KALRN: variants seen among roughly 807,000 people sequenced by gnomAD.
KALRN encodes the protein kalirin.
A neutral mutation model predicts 353.7 loss-of-function variants in KALRN; 70 were observed. The observed-to-expected ratio is 0.20, with a 90% CI of 0.16 to 0.24. KALRN has a LOEUF of 0.24. Among genes scored for constraint, KALRN ranks in the 10% least tolerant of loss-of-function variants. The pLI is 1.00. For missense variants in KALRN, 2,791 were observed against 3,756.7 expected, an observed-to-expected ratio of 0.74 and a Z score of 6.72; for synonymous variants, 1,391 against 1,434.8, an observed-to-expected ratio of 0.97 and a Z score of 0.69.
chr3:124,089,042 G>GA lies in KALRN; in HGVS notation c.73+55238dup, dbSNP rs888184001. On this transcript the variant is annotated intron_variant, in intron 1 of 59. Transcript: ENST00000682506. The stretch of plus-strand genomic sequence containing the variant: ...ACAGATTGTATACTTTCCATAAAAA[G>GA]AAAAAAAAATACCCGAGGGACTAAA... Among the ~76,000 whole-genome samples, 33 of 143,308 alleles carry GA rather than the reference G, an allele frequency of 2.3e-4. No homozygotes were observed. In the East Asian group the frequency reaches 3.4e-3, roughly 15 times the overall value. 94.0% of individuals were successfully genotyped at this position (143,308 alleles called of 152,430 possible).
chr3:124,146,733 C>A (rs1264378799), intron 1 of KALRN, among the ~76,000 whole-genome samples: 1 of 151,812 alleles, frequency 6.6e-6, no homozygotes, highest in East Asian at 1.9e-4. Flanking sequence ...CAAAAATTAG[C>A]CAGTATGGTG....
chr3:124,382,327 C>T (rs1194432028), intron 10 of KALRN, among the ~76,000 whole-genome samples: 4 of 152,132 alleles, frequency 2.6e-5, no homozygotes, highest in African/African-American at 9.7e-5. Context: ...CCCTAATTAT[C>T]TATTAGTTTG....
intron 11 of KALRN, among the ~76,000 whole-genome samples, chr3:124,388,355 C>G (rs954289875): frequency 6.6e-6 from 1 of 151,472 alleles, no homozygotes; most frequent in African/African-American, 2.4e-5. Flanking sequence ...TCTTGAACTT[C>G]TTCATGGGTG....
At chr3:124,655,349 G>T (rs2083894302) in intron 38 of KALRN, among the ~76,000 whole-genome samples, 1 of 152,166 alleles carries the variant, frequency 6.6e-6, no homozygotes. Context: ...AGAATGCTAG[G>T]TACTGAGCGT....
Position 124,488,317 on chromosome 3 carries a change from T to C in KALRN, c.4396+2T>C. On this transcript the variant is annotated splice_donor_variant, in intron 29 of 59. Coordinates refer to ENST00000682506, the MANE Select transcript of KALRN (RefSeq NM_001388419.1). LOFTEE classifies it high-confidence loss of function. ...CCATGCATGTCAGCATGCTGGAAGG[T>C]AGCTGTCCTCCCAGCACTGGGGAAG... is the stretch of plus-strand genomic sequence containing the variant. 1 of 1,588,838 alleles carries C rather than the reference T, an allele frequency of 6.3e-7. No individual in the cohort carries two copies.
intron 37 of KALRN, among the ~76,000 whole-genome samples, chr3:124,649,103 CA>C (rs936999012): frequency 5.3e-5 from 8 of 152,268 alleles, no homozygotes; most frequent in African/African-American, 1.7e-4. Context: ...GCCCTTGGCA[CA>C]TTTTGTCAGT....
At chr3:124,699,764 C>A in intron 55 of KALRN, 105 bp from the exon 56 acceptor site, 1 of 1,062,264 alleles carries the variant, frequency 9.4e-7, no homozygotes, top group Admixed American at 1.9e-5. Context: ...CACAAGCATC[C>A]CTTGAATTGA....
rs142564902 is a variant in KALRN at position 124,551,896 on chromosome 3, G to A, written c.4936-10947G>A. Among the ~76,000 whole-genome samples, 533 of 152,314 alleles carry A rather than the reference G, an allele frequency of 3.5e-3. 3 individuals carry two copies. The highest frequency in any genetic ancestry group is 5.5e-3 in the Non-Finnish European group (374 of 68,012). ...GGCTGGTGAAGAAGAATAAGTGCAT[G>A]GATGAGGAGGCTGGACTCATTAGGC... On this transcript the variant is annotated intron_variant, in intron 33 of 59. Transcript: ENST00000682506.
intron 51 of KALRN, among the ~76,000 whole-genome samples, chr3:124,689,328 C>A (rs778842704): frequency 2.6e-5 from 4 of 152,172 alleles, no homozygotes; most frequent in Non-Finnish European, 4.4e-5. Context: ...AATCCTCCCA[C>A]CTCAGCTTCC....
chr3:124,699,826 C>T, intron 55 of KALRN, 43 bp from the exon 56 acceptor site: 1 of 1,599,060 alleles, frequency 6.3e-7, no homozygotes, highest in Non-Finnish European at 8.6e-7. Flanking sequence ...AACAATATCC[C>T]TTTGGCTTTT....
chr3:124,513,561 A>G (rs1293320870), intron 33 of KALRN, among the ~76,000 whole-genome samples: 2 of 152,186 alleles, frequency 1.3e-5, no homozygotes, highest in African/African-American at 4.8e-5. Context: ...CCCACAGTCT[A>G]AGGACAGAGG....
Position 124,434,326 on chromosome 3 carries a change from C to T in KALRN, c.2849C>T (p.Ser950Phe), listed in dbSNP as rs2093389397. Residue 950 changes from serine (S) to phenylalanine (F), a missense_variant, in exon 17 of 60, where the codon TCC becomes TTC. Ser to Phe is a radical substitution (Grantham distance 155, BLOSUM62 -2). This residue lies in a region of KALRN where 452 missense variants were observed against 575.8 expected (regional missense o/e 0.78). Coordinates refer to ENST00000682506, the MANE Select transcript of KALRN (RefSeq NM_001388419.1). ...GCCCAGTCCCTCTTTCATGCCACTT[C>T]CTTGCAGAAGACGCACCAGAGTGCC... ...LAIESLFHATSLQKTHQSALQ... is the reference protein window; with the variant it reads ...LAIESLFHATFLQKTHQSALQ... 1.2e-6 allele frequency: 2 copies of T among 1,612,924 alleles called. No individual in the cohort carries two copies. Among genetic ancestry groups the T allele is most frequent in the South Asian group, 2.2e-5 (2 of 91,022 alleles).
At chr3:124,180,926 C>G (rs1185486995) in intron 1 of KALRN, among the ~76,000 whole-genome samples, 1 of 151,900 alleles carries the variant, frequency 6.6e-6, no homozygotes, top group African/African-American at 2.4e-5. Flanking sequence ...ATTAATAAGT[C>G]AGGTATCAGA....
intron 1 of KALRN, among the ~76,000 whole-genome samples, chr3:124,054,359 A>AAAAATAAAAATAAAAATAAAAATG (rs2041325954): frequency 6.6e-6 from 1 of 150,618 alleles, no homozygotes; most frequent in Non-Finnish European, 1.5e-5. Flanking sequence ...CCCATCACTT[A>AAAAATAAAAATAAAAATAAAAATG]AAAATAAAAA....
intron 6 of KALRN, among the ~76,000 whole-genome samples, chr3:124,302,546 T>C (rs756863094): frequency 3.3e-5 from 5 of 152,226 alleles, no homozygotes; most frequent in Non-Finnish European, 5.9e-5. Context: ...AATAATCAAC[T>C]AATAACTTAC....
At chr3:124,269,617 C>T (rs1323425910) in intron 5 of KALRN, among the ~76,000 whole-genome samples, 3 of 152,156 alleles carry the variant, frequency 2.0e-5, no homozygotes, top group Non-Finnish European at 2.9e-5. Flanking sequence ...AGAAGCTGCC[C>T]CGAGTGCCTG....
intron 1 of KALRN, among the ~76,000 whole-genome samples, chr3:124,222,418 A>G (rs190584596): frequency 6.6e-6 from 1 of 152,256 alleles, no homozygotes; most frequent in East Asian, 1.9e-4. Flanking sequence ...GGGTCTTCCC[A>G]TGGTAGGGGC....
chr3:124,444,487 G>A (rs2093765665), intron 19 of KALRN, among the ~76,000 whole-genome samples: 1 of 152,152 alleles, frequency 6.6e-6, no homozygotes, highest in Non-Finnish European at 1.5e-5. Flanking sequence ...CTTAGATACA[G>A]GGAAGGGTGA....
intron 1 of KALRN, among the ~76,000 whole-genome samples, chr3:124,059,338 T>C (rs2041821988): frequency 6.6e-6 from 1 of 152,226 alleles, no homozygotes; most frequent in Non-Finnish European, 1.5e-5. Context: ...TTTGAAATTG[T>C]GGAATGGCTA....
Sources: gnomAD v4.1 joint callset for allele counts (sites outside exome capture counted in the v4.1 genomes callset) on GRCh38, gnomAD v4.1.1 for gene constraint, gnomAD v4.1.1 regional missense constraint, MANE v1.5 for transcripts, NCBI Gene and HGNC (gene_info 2026-07-23, HGNC 2026-07-21) for gene names.